METAP2: variants seen among roughly 807,000 people sequenced by gnomAD.
The protein encoded by METAP2 is methionyl aminopeptidase 2.
METAP2 carries 25 observed loss-of-function variants against 59.4 expected under a neutral mutation model. That is an observed-to-expected ratio of 0.42 (90% confidence interval 0.31 to 0.59). The LOEUF is 0.59. Among genes scored for constraint, METAP2 ranks in the 20% least tolerant of loss-of-function variants. METAP2 has a pLI of 0.16. For missense variants in METAP2, 366 were observed against 581.2 expected (o/e 0.63, Z 3.81); for synonymous variants, 214 against 194.1 (o/e 1.10, Z -0.85).
At chr12:95,502,928 A>G (rs1369833252) in intron 7 of METAP2, among the ~76,000 whole-genome samples, 1 of 137,224 alleles carries the variant, frequency 7.3e-6, no homozygotes, top group Admixed American at 7.4e-5. Flanking sequence ...TTCTTTTTTG[A>G]TATTTTCATT....
chr12:95,494,891 T>C lies in METAP2; in HGVS notation c.591-66T>C, dbSNP rs915923734. On this transcript the variant is annotated intron_variant, in intron 5 of 10. Transcript: ENST00000323666. ...TAAACTTTCTGGACTTGATGAACTA[T>C]ATGGTATTAATATATAAAAGTAAGA... 19 of 1,321,856 alleles carry C rather than the reference T, an allele frequency of 1.4e-5. No individual in the cohort carries two copies. In the African/African-American group the frequency reaches 2.8e-4, roughly 20 times the overall value. 81.9% of individuals were successfully genotyped at this position (1,321,856 alleles called of 1,614,324 possible).
chr12:95,474,490 G>A (rs1329792602), intron 1 of METAP2, among the ~76,000 whole-genome samples, 160 bp downstream of exon 1: 1 of 152,202 alleles, frequency 6.6e-6, no homozygotes, highest in African/African-American at 2.4e-5. Context: ...CCTAGTCTGA[G>A]AAGAGGCGTC....
rs2076406009 is a variant in METAP2, at chr12:95,511,964, C to T, written c.1034C>T (p.Pro345Leu). Reference sequence around the variant, plus strand: ...AGAATACATGCTGGAAAAACAGTGCCGATTGTGAAAGGAGGGGAGGCAACA... The same window carrying T: ...AGAATACATGCTGGAAAAACAGTGCTGATTGTGAAAGGAGGGGAGGCAACA... ...QYRIHAGKTV[P>L]IVKGGEATRM... Residue 345 changes from proline to leucine, a missense_variant, in exon 9 of 11, where the codon CCG becomes CTG. Physicochemically the swap from Pro to Leu is moderately conservative, Grantham distance 98. This residue lies in a region of METAP2 where 1 missense variants were observed against 22.7 expected (regional missense o/e 0.04). Transcript: ENST00000323666. 1.9e-6 allele frequency: 3 copies of T among 1,613,010 alleles called. No homozygotes were observed. Among genetic ancestry groups the T allele is most frequent in the Non-Finnish European group, 2.5e-6 (3 of 1,179,366 alleles).
intron 6 of METAP2, 90 bp downstream of exon 6, chr12:95,495,228 C>G (rs2076268027): frequency 8.9e-7 from 1 of 1,120,496 alleles, no homozygotes; most frequent in African/African-American, 1.6e-5. Context: ...ACTGAACTCC[C>G]AAATTTTGTT....
intron 2 of METAP2, among the ~76,000 whole-genome samples, chr12:95,480,040 T>C (rs1366200722): frequency 6.6e-6 from 1 of 152,340 alleles, no homozygotes; most frequent in African/African-American, 2.4e-5. Flanking sequence ...AAGTTGTGTC[T>C]CTTGTAGTTG....
intron 3 of METAP2, among the ~76,000 whole-genome samples, chr12:95,483,662 T>C (rs983954955): frequency 1.3e-5 from 2 of 152,204 alleles, no homozygotes; most frequent in Non-Finnish European, 2.9e-5. Flanking sequence ...TTATTTTCTT[T>C]AGCTGTTAGC....
chr12:95,508,303 C>T (rs1017383785), intron 8 of METAP2, among the ~76,000 whole-genome samples: 1 of 151,958 alleles, frequency 6.6e-6, no homozygotes, highest in African/African-American at 2.4e-5. Flanking sequence ...ATGTTTTGTC[C>T]AGTTCTTTAA....
intron 7 of METAP2, among the ~76,000 whole-genome samples, chr12:95,502,787 G>C (rs1432173176): frequency 6.6e-6 from 1 of 151,652 alleles, no homozygotes. Flanking sequence ...GATTTCCCTT[G>C]TCCTTATCTT....
chr12:95,501,161 C>T (rs2076312470), intron 7 of METAP2, among the ~76,000 whole-genome samples: 1 of 151,950 alleles, frequency 6.6e-6, no homozygotes, highest in Admixed American at 6.6e-5. Context: ...AGGCGTGTAC[C>T]ACTACACCCA....
chr12:95,496,821 C>CTTTTTTTTTTT (rs777002045), intron 7 of METAP2, among the ~76,000 whole-genome samples: 48 of 100,922 alleles, frequency 4.8e-4, no homozygotes, highest in Non-Finnish European at 5.8e-4. Context: ...CTTTTTCTTT[C>CTTTTTTTTTTT]TTTTTTTTTT....
At chr12:95,487,564 A>G (rs1050147796) in intron 4 of METAP2, among the ~76,000 whole-genome samples, 4 of 151,314 alleles carry the variant, frequency 2.6e-5, no homozygotes, top group African/African-American at 9.7e-5. Flanking sequence ...TGATGTGATC[A>G]CATTTATTTT....
intron 7 of METAP2, among the ~76,000 whole-genome samples, chr12:95,502,986 A>T (rs1329767625): frequency 3.5e-5 from 4 of 114,010 alleles, no homozygotes; most frequent in South Asian, 2.8e-4. Context: ...GTCTTCCTTT[A>T]ATTTTTTAAG....
Position 95,514,710 on chromosome 12 carries a change from G to A in METAP2, c.*806G>A, listed in dbSNP as rs200929359. On this transcript the variant is annotated 3_prime_UTR_variant, in exon 11 of 11. Coordinates refer to ENST00000323666, the MANE Select transcript of METAP2 (RefSeq NM_006838.4). ...TTTGTCCAGTGGTGGTGTTTATCAG[G>A]GAATGTATTCAGCTTGCTCAGAAAA... The A allele has an allele frequency of 2.0e-5, 3 of 151,972 alleles. No individual in the cohort carries two copies. The highest frequency in any genetic ancestry group is 7.3e-5 in the African/African-American group (3 of 41,366). The allele number at this position is 151,972 out of a possible 1,614,324, so 9.4% of individuals were successfully genotyped here. A position where few individuals can be genotyped will look rare whatever the true frequency, so the allele number is the denominator to read the frequency against.
At chr12:95,487,167 A>T (rs563604967) in intron 4 of METAP2, among the ~76,000 whole-genome samples, 32 of 152,260 alleles carry the variant, frequency 2.1e-4, no homozygotes, top group Middle Eastern at 6.8e-3. Context: ...CAAAGTAATA[A>T]CCTGTCACCC....
intron 1 of METAP2, among the ~76,000 whole-genome samples, chr12:95,475,166 A>G (rs889375159): frequency 6.6e-6 from 1 of 152,208 alleles, no homozygotes; most frequent in Non-Finnish European, 1.5e-5. Flanking sequence ...TCACCTTAAT[A>G]AAAATTATTT....
intron 7 of METAP2, among the ~76,000 whole-genome samples, chr12:95,499,164 C>G (rs2076297820): frequency 6.6e-6 from 1 of 152,058 alleles, no homozygotes; most frequent in Non-Finnish European, 1.5e-5. Flanking sequence ...AGTTTTGAGA[C>G]AGGGTCTTGC....
intron 7 of METAP2, among the ~76,000 whole-genome samples, chr12:95,497,355 A>G (rs921106680): frequency 1.3e-5 from 2 of 152,128 alleles, no homozygotes; most frequent in Non-Finnish European, 2.9e-5. Context: ...TGACTGGTTT[A>G]TTTCACTTAG....
rs200801882 is a variant in METAP2, at chr12:95,504,179, A to G, written c.964+18A>G. The G allele has an allele frequency of 2.7e-6, 4 of 1,487,900 alleles. No individual in the cohort carries two copies. The highest frequency in any genetic ancestry group is 1.8e-5 in the Admixed American group (1 of 55,816). The allele number at this position is 1,487,900 out of a possible 1,614,324, so 92.2% of individuals were successfully genotyped here. ...ATATCAAGGTATGTTCTTTTAAAAT[A>G]TATCTTATTTTGAAATTGATTTTAC... On this transcript the variant is annotated intron_variant, in intron 8 of 10. Transcript: ENST00000323666.
chr12:95,491,989 GTAGAGATGGAGTC>G (rs2076240876), intron 4 of METAP2, among the ~76,000 whole-genome samples: 1 of 152,054 alleles, frequency 6.6e-6, no homozygotes, highest in Non-Finnish European at 1.5e-5. Flanking sequence ...TTTTCTTTTT[GTAGAGATGGAGTC>G]TTGTTATGTT....
Sources: allele counts gnomAD v4.1 joint callset (sites outside exome capture counted in the v4.1 genomes callset), GRCh38; gene constraint gnomAD v4.1.1; regional missense constraint gnomAD v4.1.1; transcripts MANE v1.5; gene names NCBI Gene and HGNC (gene_info 2026-07-23, HGNC 2026-07-21).